Variants in SLC9A4 observed in about 807,000 individuals in gnomAD.
SLC9A4 encodes solute carrier family 9 member A4.
SLC9A4 carries 63 observed loss-of-function variants against 67.4 expected under a neutral mutation model. That is an observed-to-expected ratio of 0.93 (90% CI 0.76 to 1.15). The LOEUF is 1.15. Among genes scored for constraint, SLC9A4 ranks in the 50% most tolerant of loss-of-function variants. The pLI is 0.00. For missense variants in SLC9A4, 1,089 were observed against 987.7 expected (o/e 1.10, Z -1.38); for synonymous variants, 393 against 367.2 (o/e 1.07, Z -0.80).
Position 102,508,426 on chromosome 2 carries a change from G to C in SLC9A4, c.1401+145G>C, listed in dbSNP as rs1410994086. 18 of 765,736 alleles carry C rather than the reference G, an allele frequency of 2.4e-5. No individual in the cohort carries two copies. In the East Asian group the frequency reaches 4.6e-4, roughly 20 times the overall value. The allele number at this position is 765,736 out of a possible 1,614,324, so 47.4% of individuals were successfully genotyped here. A position where few individuals can be genotyped will look rare whatever the true frequency, so the allele number is the denominator to read the frequency against. On this transcript the variant is annotated intron_variant, in intron 5 of 11. Coordinates refer to ENST00000295269, the MANE Select transcript of SLC9A4 (RefSeq NM_001011552.4). ...AAATTTCCGGAGATTTCTAGATCAT[G>C]TTTGTGACCATCCTTTAACTTCTAA...
In SLC9A4 at chr2:102,478,889, C is replaced by G. The variant is rs769933423; in HGVS notation, c.307C>G (p.Leu103Val). 6.2e-7 allele frequency: 1 copy of G among 1,614,212 alleles called. No homozygotes were observed. Among genetic ancestry groups the G allele is most frequent in the Non-Finnish European group, 8.5e-7 (1 of 1,180,056 alleles). Residue 103 changes from leucine (L) to valine (V), a missense_variant, in exon 2 of 12, where the codon CTC becomes GTC. Physicochemically the swap from Leu to Val is conservative, Grantham distance 32. Coordinates refer to ENST00000295269, the MANE Select transcript of SLC9A4 (RefSeq NM_001011552.4). ...LPGLMPESCL[L>V]ILVGALVGGI... is the part of the protein sequence containing the mutation. ...AGGCCTCATGCCAGAAAGCTGCCTC[C>G]TCATCCTGGTGGGGGCGCTGGTGGG...
At chr2:102,509,639 T>C (rs866359100) in intron 6 of SLC9A4, among the ~76,000 whole-genome samples, 2 of 152,338 alleles carry the variant, frequency 1.3e-5, no homozygotes, top group African/African-American at 2.4e-5. Context: ...AAATATCATC[T>C]GAATCTTATC....
In SLC9A4 at chr2:102,532,475, A is replaced by G. The variant is rs773698779; in HGVS notation, c.2184A>G (p.Gln728=). 1 of 1,614,206 alleles carries G rather than the reference A, an allele frequency of 6.2e-7. No homozygotes were observed. Among genetic ancestry groups the G allele is most frequent in the Non-Finnish European group, 8.5e-7 (1 of 1,180,030 alleles). ...GGAAGGCATTCAGCTTTGGTTATCAAAGAAACACAAGCCAAGAAGAGTACT... is the reference window on the plus strand; with the variant it reads ...GGAAGGCATTCAGCTTTGGTTATCAGAGAAACACAAGCCAAGAAGAGTACT... ...RGRKAFSFGY[Q]RNTSQEEYLG... Residue 728 remains glutamine, a synonymous_variant, in exon 12 of 12, where the codon CAA becomes CAG. Transcript: ENST00000295269.
intron 10 of SLC9A4, among the ~76,000 whole-genome samples, chr2:102,525,497 G>A (rs527856155): frequency 2.0e-5 from 3 of 151,186 alleles, no homozygotes; most frequent in Non-Finnish European, 3.0e-5. Context: ...GGTCACCATG[G>A]GGTCTGGGTC....
chr2:102,522,058 C>T lies in SLC9A4; in HGVS notation c.1818+2103C>T, dbSNP rs368927817. On this transcript the variant is annotated intron_variant, in intron 9 of 11. Transcript: ENST00000295269. ...TAAGGGACTCACCTCTGGAGGTTCCCGGTAGGACAACCACAGAAGAAGCTC... is the reference window on the plus strand; with the variant it reads ...TAAGGGACTCACCTCTGGAGGTTCCTGGTAGGACAACCACAGAAGAAGCTC... Among the ~76,000 whole-genome samples the T allele has an allele frequency of 1.2e-3, 177 of 152,226 alleles. 6 individuals carry two copies. In the South Asian group the frequency reaches 0.035, roughly 30 times the overall value.
intron 1 of SLC9A4, among the ~76,000 whole-genome samples, chr2:102,475,346 A>C (rs1409466895): frequency 1.3e-5 from 2 of 152,178 alleles, no homozygotes; most frequent in African/African-American, 4.8e-5. Flanking sequence ...CCTGCTCCCC[A>C]TTCCACAACC....
At chr2:102,483,786 T>C (rs1684518642) in intron 2 of SLC9A4, among the ~76,000 whole-genome samples, 1 of 135,848 alleles carries the variant, frequency 7.4e-6, no homozygotes, top group African/African-American at 2.7e-5. Context: ...AGTAACTATC[T>C]CACCATGTAC....
Position 102,532,827 on chromosome 2 carries a change from A to G in SLC9A4, c.*139A>G. On this transcript the variant is annotated 3_prime_UTR_variant, in exon 12 of 12. Coordinates refer to ENST00000295269, the MANE Select transcript of SLC9A4 (RefSeq NM_001011552.4). ...TATTAAACATGGATCTATAAGCAGC[A>G]GGAAGATTTTTTCCAAGGACTGGGA... 1 of 945,200 alleles carries G rather than the reference A, an allele frequency of 1.1e-6. No homozygotes were observed. The highest frequency in any genetic ancestry group is 3.4e-4 in the Middle Eastern group (1 of 2,936). The allele number at this position is 945,200 out of a possible 1,614,324, so 58.6% of individuals were successfully genotyped here. A position where few individuals can be genotyped will look rare whatever the true frequency, so the allele number is the denominator to read the frequency against.
chr2:102,520,014 G>C, intron 9 of SLC9A4, 59 bp downstream of exon 9: 3 of 1,451,994 alleles, frequency 2.1e-6, no homozygotes, highest in Non-Finnish European at 2.9e-6. Context: ...GTCTCTGAAG[G>C]GGGAGTCTGT....
chr2:102,493,511 C>G (rs1684746567), intron 2 of SLC9A4, among the ~76,000 whole-genome samples: 1 of 151,802 alleles, frequency 6.6e-6, no homozygotes, highest in South Asian at 2.1e-4. Flanking sequence ...ACCATCAGAT[C>G]TTGTGAGAAC....
At chr2:102,479,812 T>C (rs1684421441) in intron 2 of SLC9A4, among the ~76,000 whole-genome samples, 1 of 152,164 alleles carries the variant, frequency 6.6e-6, no homozygotes, top group Non-Finnish European at 1.5e-5. Flanking sequence ...TTTGTATCAC[T>C]TAGTTGCAGG....
chr2:102,520,018 A>C, intron 9 of SLC9A4, 63 bp downstream of exon 9: 1 of 1,414,104 alleles, frequency 7.1e-7, no homozygotes, highest in Non-Finnish European at 9.9e-7. Context: ...CTGAAGGGGG[A>C]GTCTGTTGAT....
chr2:102,493,294 C>A (rs111249843), intron 2 of SLC9A4, among the ~76,000 whole-genome samples: 14,239 of 150,498 alleles, frequency 0.095, 964 homozygotes, highest in Middle Eastern at 0.17. Flanking sequence ...CTACCTGTAC[C>A]AATTTACTGC....
intron 2 of SLC9A4, among the ~76,000 whole-genome samples, chr2:102,491,994 G>A (rs1468016204): frequency 1.3e-5 from 2 of 152,206 alleles, no homozygotes; most frequent in African/African-American, 2.4e-5. Context: ...AAATCCAGAA[G>A]GGCAGTCAAA....
chr2:102,503,312 C>A, intron 2 of SLC9A4, 136 bp from the exon 3 acceptor site: 2 of 806,436 alleles, frequency 2.5e-6, no homozygotes, highest in Non-Finnish European at 1.9e-6. Context: ...AGTTAAAAGG[C>A]AGTCATCTTA....
intron 2 of SLC9A4, among the ~76,000 whole-genome samples, chr2:102,482,962 T>C (rs1338072125): frequency 1.3e-5 from 2 of 152,230 alleles, no homozygotes; most frequent in African/African-American, 4.8e-5. Flanking sequence ...CCTCCTGAGT[T>C]GTCTCTAGAT....
chr2:102,511,335 A>G (rs1685159330), intron 6 of SLC9A4, among the ~76,000 whole-genome samples: 1 of 152,226 alleles, frequency 6.6e-6, no homozygotes, highest in Non-Finnish European at 1.5e-5. Flanking sequence ...CTTAACATCT[A>G]TCTTTATCTC....
chr2:102,507,953 T>C (rs1167382268), intron 4 of SLC9A4, 126 bp from the exon 5 acceptor site: 1 of 834,136 alleles, frequency 1.2e-6, no homozygotes, highest in Non-Finnish European at 2.0e-6. Flanking sequence ...GGATAGACAA[T>C]CATGGGTGTA....
At chr2:102,486,331 G>C (rs1684588853) in intron 2 of SLC9A4, among the ~76,000 whole-genome samples, 1 of 152,188 alleles carries the variant, frequency 6.6e-6, no homozygotes, top group Non-Finnish European at 1.5e-5. Flanking sequence ...GGCACAGAGT[G>C]AGCCCCTGTG....
Sources: gnomAD v4.1 joint callset for allele counts (sites outside exome capture counted in the v4.1 genomes callset) on GRCh38, gnomAD v4.1.1 for gene constraint, MANE v1.5 for transcripts, NCBI Gene and HGNC (gene_info 2026-07-23, HGNC 2026-07-21) for gene names.